The following ADAMTSL1 variants were observed in gnomAD, a reference collection of about 807,000 sequenced individuals.
ADAMTSL1 encodes ADAMTS-like protein 1.
In ADAMTSL1, 126 loss-of-function variants were observed where a neutral mutation model predicts 201.8. That is an observed-to-expected ratio of 0.62 (90% CI 0.54 to 0.72). The LOEUF (loss-of-function observed/expected upper bound fraction) is 0.72. Among genes scored for constraint, ADAMTSL1 ranks in the 30% least tolerant of loss-of-function variants. The pLI is 0.00. For missense variants in ADAMTSL1, 2,679 were observed against 2,277.8 expected, an observed-to-expected ratio of 1.18 and a Z score of -3.59; for synonymous variants, 1,121 against 903.4, an observed-to-expected ratio of 1.24 and a Z score of -4.32.
intron 2 of ADAMTSL1, among the ~76,000 whole-genome samples, chr9:18,433,201 T>A (rs2133414560): frequency 6.6e-6 from 1 of 152,116 alleles, no homozygotes; most frequent in East Asian, 1.9e-4. Context: ...AAAACTTCAT[T>A]TGTATGATTT....
chr9:18,143,259 G>A (rs1826480066), intron 1 of ADAMTSL1, among the ~76,000 whole-genome samples: 1 of 152,170 alleles, frequency 6.6e-6, no homozygotes, highest in Admixed American at 6.5e-5. Flanking sequence ...GGAACCCCAT[G>A]GAGCCTCTGG....
chr9:18,139,956 T>G (rs896751491), intron 1 of ADAMTSL1, among the ~76,000 whole-genome samples: 5 of 152,212 alleles, frequency 3.3e-5, no homozygotes, highest in African/African-American at 1.2e-4. Flanking sequence ...ATTTAGAGGA[T>G]GCTAATGATC....
At chr9:18,463,614 G>A (rs1214512612) in intron 2 of ADAMTSL1, among the ~76,000 whole-genome samples, 2 of 151,944 alleles carry the variant, frequency 1.3e-5, no homozygotes, top group Non-Finnish European at 2.9e-5. Flanking sequence ...TACTACTCTA[G>A]GTACCTCAAA....
intron 23 of ADAMTSL1, among the ~76,000 whole-genome samples, chr9:18,853,553 G>A (rs1381609886): frequency 1.3e-5 from 2 of 152,200 alleles, no homozygotes; most frequent in African/African-American, 4.8e-5. Flanking sequence ...CACCTTAGGA[G>A]AATTCAGGCT....
intron 17 of ADAMTSL1, among the ~76,000 whole-genome samples, chr9:18,775,385 A>C (rs760187907): frequency 6.6e-6 from 1 of 152,258 alleles, no homozygotes; most frequent in Non-Finnish European, 1.5e-5. Flanking sequence ...CTTAATTCCC[A>C]GGCTTGCAAA....
At chr9:18,849,188 T>G (rs1052781526) in intron 23 of ADAMTSL1, among the ~76,000 whole-genome samples, 4 of 151,508 alleles carry the variant, frequency 2.6e-5, no homozygotes, top group Admixed American at 6.6e-5. Flanking sequence ...TATTTTTAAG[T>G]GATTTAAAAC....
chr9:18,632,601 G>T (rs779321132), intron 5 of ADAMTSL1, among the ~76,000 whole-genome samples: 1 of 152,022 alleles, frequency 6.6e-6, no homozygotes, highest in African/African-American at 2.4e-5. Context: ...CATCTCGTGG[G>T]GCTAGTGCTT....
At chr9:18,878,054 G>C (rs1205073225) in intron 23 of ADAMTSL1, among the ~76,000 whole-genome samples, 2 of 152,154 alleles carry the variant, frequency 1.3e-5, no homozygotes, top group Non-Finnish European at 2.9e-5. Context: ...TGGAAGTGGG[G>C]AAAGCTGGCA....
chr9:18,707,193 C>G (rs1832282494), intron 14 of ADAMTSL1, 145 bp downstream of exon 14: 2 of 1,082,436 alleles, frequency 1.8e-6, no homozygotes, highest in East Asian at 2.6e-5. Flanking sequence ...ATGTAAAGCA[C>G]ACTGAATCAA....
intron 2 of ADAMTSL1, among the ~76,000 whole-genome samples, chr9:18,214,991 T>C (rs536583952): frequency 1.4e-4 from 22 of 152,184 alleles, no homozygotes; most frequent in African/African-American, 5.1e-4. Context: ...TGTTTGGTTT[T>C]CTTTATAACT....
chr9:18,671,669 GAGA>G (rs1283242479), intron 9 of ADAMTSL1, among the ~76,000 whole-genome samples: 52 of 152,290 alleles, frequency 3.4e-4, no homozygotes, highest in African/African-American at 2.4e-5. Flanking sequence ...TGCAGTTCCA[GAGA>G]AGAAGCAAGA....
chr9:18,473,621 A>G (rs1203264835), upstream of ADAMTSL1, among the ~76,000 whole-genome samples: 1 of 152,208 alleles, frequency 6.6e-6, no homozygotes, highest in African/African-American at 2.4e-5. Flanking sequence ...TGGAGGCGAA[A>G]TAAAACAGTT....
At chr9:18,085,627 A>C (rs887476774) in intron 1 of ADAMTSL1, among the ~76,000 whole-genome samples, 4 of 150,054 alleles carry the variant, frequency 2.7e-5, no homozygotes, top group Non-Finnish European at 5.9e-5. Flanking sequence ...ACGTATATAC[A>C]CTGTGTGTGT....
intron 2 of ADAMTSL1, among the ~76,000 whole-genome samples, chr9:18,215,553 G>C (rs974773184): frequency 1.3e-5 from 2 of 152,014 alleles, no homozygotes; most frequent in Non-Finnish European, 2.9e-5. Flanking sequence ...TTGCTGACTA[G>C]CAATCAAAAA....
At chr9:18,401,445 G>T (rs934859806) in intron 2 of ADAMTSL1, among the ~76,000 whole-genome samples, 3 of 152,180 alleles carry the variant, frequency 2.0e-5, no homozygotes, top group African/African-American at 7.2e-5. Context: ...CTCCAGTAGT[G>T]GTTGGTTTAG....
intron 19 of ADAMTSL1, among the ~76,000 whole-genome samples, chr9:18,783,792 TATA>T (rs1350530446): frequency 2.6e-5 from 4 of 152,132 alleles, no homozygotes; most frequent in African/African-American, 9.7e-5. Context: ...AACAAAAAAT[TATA>T]ATATACAACA....
intron 6 of ADAMTSL1, among the ~76,000 whole-genome samples, chr9:18,638,689 A>G (rs1827253902): frequency 6.6e-6 from 1 of 152,172 alleles, no homozygotes; most frequent in Non-Finnish European, 1.5e-5. Context: ...TGGATTTTAA[A>G]AAGAAAATAC....
chr9:18,099,500 A>T (rs1824420858), intron 1 of ADAMTSL1, among the ~76,000 whole-genome samples: 1 of 149,668 alleles, frequency 6.7e-6, no homozygotes, highest in Non-Finnish European at 1.5e-5. Context: ...TTACAAATAT[A>T]GTGTTTTTTC....
chr9:18,190,835 A>G (rs1433997732), intron 2 of ADAMTSL1, among the ~76,000 whole-genome samples: 1 of 152,196 alleles, frequency 6.6e-6, no homozygotes, highest in African/African-American at 2.4e-5. Context: ...TGGAAAGACC[A>G]GTTCTGACCA....
Sources: gnomAD v4.1 joint callset for allele counts (sites outside exome capture counted in the v4.1 genomes callset) on GRCh38, gnomAD v4.1.1 for gene constraint, MANE v1.5 for transcripts, NCBI Gene and HGNC (gene_info 2026-07-23, HGNC 2026-07-21) for gene names.